Variants in PTPRD observed in about 807,000 individuals in gnomAD.
PTPRD encodes protein tyrosine phosphatase receptor type D, also known as receptor-type tyrosine-protein phosphatase delta.
PTPRD carries 34 observed loss-of-function variants against 214.5 expected under a neutral mutation model. That is an observed-to-expected ratio of 0.16 (90% confidence interval 0.12 to 0.21). PTPRD has a LOEUF of 0.21. PTPRD is among the 10% of genes least tolerant of loss of function. The pLI is 1.00. For missense variants in PTPRD, 2,545 were observed against 2,398.7 expected, an observed-to-expected ratio of 1.06 and a Z score of -1.27; for synonymous variants, 1,128 against 845.7, an observed-to-expected ratio of 1.33 and a Z score of -5.79.
intron 4 of PTPRD, among the ~76,000 whole-genome samples, chr9:10,010,318 G>C (rs1378794334): frequency 6.6e-6 from 1 of 151,046 alleles, no homozygotes; most frequent in Non-Finnish European, 1.5e-5. Flanking sequence ...AATGCATTAA[G>C]CAAGATGTCT....
intron 31 of PTPRD, among the ~76,000 whole-genome samples, chr9:8,468,121 C>A (rs761033157): frequency 3.3e-5 from 5 of 152,014 alleles, no homozygotes; most frequent in Non-Finnish European, 5.9e-5. Context: ...AAGTAATTCA[C>A]AATAAAATAT....
At chr9:9,410,558 G>C (rs928942068) in intron 8 of PTPRD, among the ~76,000 whole-genome samples, 68 of 152,092 alleles carry the variant, frequency 4.5e-4, no homozygotes, top group Non-Finnish European at 1.8e-4. Flanking sequence ...AACCAGAGTA[G>C]CCAGAACCCG....
intron 9 of PTPRD, among the ~76,000 whole-genome samples, chr9:9,269,322 G>T (rs148354383): frequency 6.6e-6 from 1 of 151,296 alleles, no homozygotes; most frequent in African/African-American, 2.4e-5. Flanking sequence ...CCTCACACCC[G>T]TTAGGATGGC....
chr9:9,457,342 C>G (rs527555744), intron 8 of PTPRD, among the ~76,000 whole-genome samples: 2 of 151,940 alleles, frequency 1.3e-5, no homozygotes, highest in Non-Finnish European at 1.5e-5. Context: ...AGATCCAAAA[C>G]CAGATTTATC....
chr9:9,922,794 G>A (rs1484366827), intron 5 of PTPRD, among the ~76,000 whole-genome samples: 1 of 151,954 alleles, frequency 6.6e-6, no homozygotes, highest in Non-Finnish European at 1.5e-5. Context: ...AAATGGTATT[G>A]TCGTGAAAGG....
chr9:10,318,443 G>A (rs12001091), intron 3 of PTPRD, among the ~76,000 whole-genome samples: 3 of 151,796 alleles, frequency 2.0e-5, no homozygotes, highest in African/African-American at 4.8e-5. Context: ...CATATTAAAG[G>A]GCCTCAGGTT....
intron 12 of PTPRD, chr9:8,700,881 T>C (rs2098063992): frequency 6.6e-6 from 1 of 152,220 alleles, no homozygotes; most frequent in Non-Finnish European, 1.5e-5. Context: ...TTGGGAATTT[T>C]TTCATGAAAG....
Position 9,505,880 on chromosome 9 carries a change from G to A in PTPRD, c.-237+68852C>T, listed in dbSNP as rs936269507. ...ACATGGGACATTACAACACAACAAT[G>A]GACTACAGTGACGGGACAATCACCA... On this transcript the variant is annotated intron_variant, in intron 8 of 45. Coordinates refer to ENST00000381196, the MANE Select transcript of PTPRD (RefSeq NM_002839.4). 2.6e-5 allele frequency among the ~76,000 whole-genome samples: 4 copies of A among 151,248 alleles called. No individual in the cohort carries two copies. In the Admixed American group the frequency reaches 2.7e-4, roughly 10 times the overall value.
At chr9:9,133,550 G>A (rs534301975) in intron 10 of PTPRD, among the ~76,000 whole-genome samples, 34 of 152,256 alleles carry the variant, frequency 2.2e-4, no homozygotes, top group African/African-American at 7.7e-4. Flanking sequence ...TGCATGGCAA[G>A]GGAAGCTTTT....
At chr9:9,998,929 T>C (rs2096242126) in intron 4 of PTPRD, among the ~76,000 whole-genome samples, 1 of 152,108 alleles carries the variant, frequency 6.6e-6, no homozygotes, top group Non-Finnish European at 1.5e-5. Context: ...AATTAACAGG[T>C]TATTATCCTC....
At chr9:9,460,406 T>C (rs1401437518) in intron 8 of PTPRD, among the ~76,000 whole-genome samples, 1 of 152,012 alleles carries the variant, frequency 6.6e-6, no homozygotes, top group Non-Finnish European at 1.5e-5. Flanking sequence ...GCCTGCAGAA[T>C]GAGAGAAAAC....
At chr9:9,690,002 A>T (rs927390084) in intron 7 of PTPRD, among the ~76,000 whole-genome samples, 6 of 151,862 alleles carry the variant, frequency 4.0e-5, no homozygotes, top group African/African-American at 1.4e-4. Context: ...ATGTATATCC[A>T]GTTATCGGCT....
intron 5 of PTPRD, among the ~76,000 whole-genome samples, chr9:9,826,262 C>A (rs952280767): frequency 6.6e-6 from 1 of 151,686 alleles, no homozygotes; most frequent in Non-Finnish European, 1.5e-5. Context: ...CTTTCTAGTT[C>A]AGTCTTCATT....
intron 2 of PTPRD, among the ~76,000 whole-genome samples, chr9:10,446,978 C>T (rs979492008): frequency 2.0e-5 from 3 of 152,230 alleles, no homozygotes; most frequent in Admixed American, 6.5e-5. Flanking sequence ...TTTAGTGAGA[C>T]GATCAGCCCA....
intron 9 of PTPRD, among the ~76,000 whole-genome samples, chr9:9,282,970 T>G (rs1445366773): frequency 6.6e-6 from 1 of 151,440 alleles, no homozygotes; most frequent in Non-Finnish European, 1.5e-5. Flanking sequence ...GAAGAAACAT[T>G]CTTCCACAGG....
intron 2 of PTPRD, among the ~76,000 whole-genome samples, chr9:10,455,478 T>A (rs76284975): frequency 6.6e-6 from 1 of 151,626 alleles, no homozygotes; most frequent in East Asian, 1.9e-4. Flanking sequence ...TCCAATGACT[T>A]TTTTTACATC....
rs192014943 is a variant in PTPRD at position 10,042,608 on chromosome 9, T to G, written c.-544-8818A>C. 1.0e-3 allele frequency among the ~76,000 whole-genome samples: 155 copies of G among 151,924 alleles called. 1 individual carries two copies. The highest frequency in any genetic ancestry group is 3.7e-3 in the African/African-American group (153 of 41,482). ...AGGACTACTAACACATTAGTGTTGG[T>G]GAAGAAACTGACAGAGATGATGCTG... On this transcript the variant is annotated intron_variant, in intron 3 of 45. Transcript: ENST00000381196.
intron 9 of PTPRD, among the ~76,000 whole-genome samples, chr9:9,301,589 A>G (rs1955325979): frequency 6.6e-6 from 1 of 151,884 alleles, no homozygotes; most frequent in African/African-American, 2.4e-5. Context: ...TCTCGAGTTC[A>G]TCATTTTACT....
chr9:10,348,359 A>G (rs1459704740), intron 2 of PTPRD, among the ~76,000 whole-genome samples: 2 of 152,168 alleles, frequency 1.3e-5, no homozygotes, highest in Admixed American at 1.3e-4. Context: ...TTTTAGGTAA[A>G]ATGAATGTTA....
Sources: allele counts gnomAD v4.1 joint callset (sites outside exome capture counted in the v4.1 genomes callset), GRCh38; gene constraint gnomAD v4.1.1; transcripts MANE v1.5; gene names NCBI Gene and HGNC (gene_info 2026-07-23, HGNC 2026-07-21).